ADD2: variants seen among roughly 807,000 people sequenced by gnomAD.
ADD2 encodes the protein adducin 2, also known as beta-adducin.
A neutral mutation model predicts 83.0 loss-of-function variants in ADD2; 23 were observed. The ratio of observed to expected loss-of-function variants is 0.28; its 90% confidence interval spans 0.20 to 0.39. The LOEUF (loss-of-function observed/expected upper bound fraction) is 0.39, where lower values mean the gene tolerates loss of function less well. Ranked by LOEUF, ADD2 falls within the 10% of genes least tolerant of loss-of-function variation. The pLI is 1.00. For missense variants in ADD2, 758 were observed against 944.9 expected (o/e 0.80, Z 2.59); for synonymous variants, 375 against 375.4 (o/e 1.00, Z 0.01).
rs6734350 is a variant in ADD2 at position 70,765,233 on chromosome 2, G to T, written c.-154+2653C>A. 4.6e-5 allele frequency among the ~76,000 whole-genome samples: 7 copies of T among 150,752 alleles called. No individual in the cohort carries two copies. In the East Asian group the frequency reaches 1.4e-3, roughly 29 times the overall value. ...CCGGGCGTGGTGACACGCACCTGTA[G>T]TCCCAGCTATTCGGGAGGCTGAGGC... On this transcript the variant is annotated intron_variant, in intron 1 of 15. Coordinates refer to ENST00000264436, the MANE Select transcript of ADD2 (RefSeq NM_001617.4).
chr2:70,723,092 G>T (rs545729111), intron 1 of ADD2, among the ~76,000 whole-genome samples: 8 of 152,306 alleles, frequency 5.3e-5, no homozygotes, highest in African/African-American at 1.9e-4. Flanking sequence ...CAGGGAATTG[G>T]TTCCACCATA....
At chr2:70,680,691 T>C (rs1336188609) in intron 10 of ADD2, among the ~76,000 whole-genome samples, 4 of 152,246 alleles carry the variant, frequency 2.6e-5, no homozygotes, top group Non-Finnish European at 4.4e-5. Context: ...TAAAGTTTTA[T>C]GGTTTTAAAA....
At chr2:70,754,440 G>A (rs539320654) in intron 1 of ADD2, among the ~76,000 whole-genome samples, 1 of 152,006 alleles carries the variant, frequency 6.6e-6, no homozygotes, top group East Asian at 1.9e-4. Flanking sequence ...ATCTCCTCCA[G>A]CCCTATAGTC....
chr2:70,721,405 C>G (rs1372663377), intron 1 of ADD2, among the ~76,000 whole-genome samples: 2 of 152,162 alleles, frequency 1.3e-5, no homozygotes, highest in African/African-American at 4.8e-5. Flanking sequence ...CTTTTTGAAC[C>G]ATGTATACTA....
chr2:70,689,381 C>T (rs1670910812), intron 8 of ADD2, among the ~76,000 whole-genome samples: 1 of 152,260 alleles, frequency 6.6e-6, no homozygotes, highest in Non-Finnish European at 1.5e-5. Flanking sequence ...GATCTGTCTC[C>T]AGGCAGAGCC....
At position 70,673,213 on chromosome 2, in the gene ADD2, C is replaced by T. The variant is rs782460364; in HGVS notation, c.1742-207G>A. On this transcript the variant is annotated intron_variant, in intron 14 of 15. Transcript: ENST00000264436. Reference sequence around the variant, plus strand: ...GAAGGCCAATGGGAGAGGGTGGAGTCATGTTTCCTTCATCAAAACACACCT... The same window carrying T: ...GAAGGCCAATGGGAGAGGGTGGAGTTATGTTTCCTTCATCAAAACACACCT... 5 of 1,611,558 alleles carry T rather than the reference C, an allele frequency of 3.1e-6. No individual in the cohort carries two copies. The Admixed American group carries it at 8.3e-5, about 27-fold the overall frequency.
intron 2 of ADD2, among the ~76,000 whole-genome samples, chr2:70,712,732 C>G (rs1672259697): frequency 6.6e-6 from 1 of 152,136 alleles, no homozygotes; most frequent in African/African-American, 2.4e-5. Context: ...GGGAGAACTT[C>G]CTAAGGGCAA....
intron 4 of ADD2, among the ~76,000 whole-genome samples, chr2:70,703,890 T>G (rs970370528): frequency 2.0e-5 from 3 of 152,184 alleles, no homozygotes; most frequent in African/African-American, 7.2e-5. Context: ...TGTAATAATC[T>G]TATTGAGGGG....
chr2:70,719,604 G>C (rs1672632996), intron 1 of ADD2, among the ~76,000 whole-genome samples: 1 of 152,202 alleles, frequency 6.6e-6, no homozygotes, highest in African/African-American at 2.4e-5. Flanking sequence ...GCTGGGCTCA[G>C]TCTTCCCACA....
chr2:70,745,496 G>C (rs1399725462), intron 1 of ADD2, among the ~76,000 whole-genome samples: 1 of 152,098 alleles, frequency 6.6e-6, no homozygotes, highest in Non-Finnish European at 1.5e-5. Context: ...TGAAGGGGTT[G>C]GTCTCTTCCT....
intron 4 of ADD2, among the ~76,000 whole-genome samples, chr2:70,697,740 G>A (rs563538698): frequency 7.0e-4 from 107 of 152,208 alleles, no homozygotes; most frequent in African/African-American, 2.6e-3. Context: ...AAGCGAGGGC[G>A]GACGATGTAT....
intron 6 of ADD2, among the ~76,000 whole-genome samples, chr2:70,695,009 C>T (rs17006122): frequency 0.037 from 5,588 of 152,124 alleles, 307 homozygotes; most frequent in African/African-American, 0.12. Context: ...TCTTACCTCT[C>T]AAGTGGCCTT....
chr2:70,682,145 T>C (rs1670486026), intron 10 of ADD2, among the ~76,000 whole-genome samples: 1 of 152,216 alleles, frequency 6.6e-6, no homozygotes, highest in Non-Finnish European at 1.5e-5. Flanking sequence ...TATTATTATT[T>C]TACTATTAGG....
At position 70,676,851 on chromosome 2, in the gene ADD2, G is replaced by A. The variant is rs1553368436; in HGVS notation, c.1538C>T (p.Ala513Val). 9 of 1,613,916 alleles carry A rather than the reference G, an allele frequency of 5.6e-6. No individual in the cohort carries two copies. The highest frequency in any genetic ancestry group is 1.1e-5 in the South Asian group (1 of 91,054). Reference sequence around the variant, plus strand: ...CGCCAGGAGCTGGGACTGAGGCCCCGCTGACTTCACATCTTGTCGGTTTTG... The same window carrying A: ...CGCCAGGAGCTGGGACTGAGGCCCCACTGACTTCACATCTTGTCGGTTTTG... ...REQNRQDVKS[A>V]GPQSQLLASV... Residue 513 changes from alanine to valine, a missense_variant, in exon 13 of 16, where the codon GCG becomes GTG. This residue lies in a region of ADD2 where 394 missense variants were observed against 509.3 expected (regional missense o/e 0.77). Coordinates refer to ENST00000264436, the MANE Select transcript of ADD2 (RefSeq NM_001617.4). This position sits in a 1 kb window ranked among gnomAD's most constrained non-coding sequence, Gnocchi z 4.8.
At chr2:70,740,952 C>T (rs1282577364) in intron 1 of ADD2, among the ~76,000 whole-genome samples, 3 of 152,182 alleles carry the variant, frequency 2.0e-5, no homozygotes, top group East Asian at 1.9e-4. Flanking sequence ...CACCTGCCTT[C>T]GCCTCCCAGA....
At chr2:70,739,263 C>T (rs1393714029) in intron 1 of ADD2, among the ~76,000 whole-genome samples, 1 of 151,962 alleles carries the variant, frequency 6.6e-6, no homozygotes, top group Non-Finnish European at 1.5e-5. Flanking sequence ...TACATGTGGC[C>T]AACAAGCATA....
chr2:70,670,096 G>A (rs538074991), intron 15 of ADD2, among the ~76,000 whole-genome samples: 8 of 152,246 alleles, frequency 5.3e-5, no homozygotes, highest in East Asian at 3.9e-4. Flanking sequence ...ACTAATTTCC[G>A]TAATACTAGT....
intron 1 of ADD2, among the ~76,000 whole-genome samples, chr2:70,732,320 T>G (rs1362336965): frequency 6.6e-6 from 1 of 152,212 alleles, no homozygotes; most frequent in Non-Finnish European, 1.5e-5. Context: ...TCCAGATGCA[T>G]GCACCTTGCT....
chr2:70,767,472 A>C, intron 1 of ADD2: 2 of 255,216 alleles, frequency 7.8e-6, no homozygotes, highest in Non-Finnish European at 1.2e-5. Flanking sequence ...TCGCACCGCT[A>C]CCCCGGAGGG....
Sources: gnomAD v4.1 joint callset for allele counts (sites outside exome capture counted in the v4.1 genomes callset) on GRCh38, gnomAD v4.1.1 for gene constraint, gnomAD v4.1.1 regional missense constraint, Gnocchi (gnomAD v3.1) non-coding constraint, MANE v1.5 for transcripts, NCBI Gene and HGNC (gene_info 2026-07-23, HGNC 2026-07-21) for gene names.